EIF3M: variants seen among roughly 807,000 people sequenced by gnomAD.
The protein encoded by EIF3M is eukaryotic translation initiation factor 3 subunit M, also known as B5 receptor.
A neutral mutation model predicts 49.7 loss-of-function variants in EIF3M; 25 were observed. The ratio of observed to expected loss-of-function variants is 0.50; its 90% CI spans 0.37 to 0.70. The LOEUF is 0.70. Among genes scored for constraint, EIF3M ranks in the 30% least tolerant of loss-of-function variants. The probability of loss-of-function intolerance (pLI) is 0.00; values close to 1 mark genes in which losing one functional copy is unlikely to be tolerated. For missense variants in EIF3M, 350 were observed against 440.0 expected (o/e 0.80, Z 1.83); for synonymous variants, 156 against 149.8 (o/e 1.04, Z -0.30).
rs1353786341 is a variant in EIF3M, at chr11:32,594,920, T to C, written c.624T>C (p.Ile208=). The C allele has an allele frequency of 1.2e-6, 2 of 1,612,160 alleles. No homozygotes were observed. The highest frequency in any genetic ancestry group is 1.3e-5 in the African/African-American group (1 of 74,842). Residue 208 remains isoleucine, a synonymous_variant, in exon 7 of 11, where the codon ATT becomes ATC. Coordinates refer to ENST00000531120, the MANE Select transcript of EIF3M (RefSeq NM_006360.6). ...SQARVDAHRC[I]VRALKDPNAF... ...TTTTTGTTCTCTAATTAAGGTGTAT[T>C]GTACGAGCATTGAAAGATCCAAATG...
intron 7 of EIF3M, among the ~76,000 whole-genome samples, chr11:32,595,273 T>A (rs1394965785): frequency 6.6e-6 from 1 of 152,012 alleles, no homozygotes; most frequent in Non-Finnish European, 1.5e-5. Context: ...GTCACCAGGC[T>A]GGAGTGCGGT....
chr11:32,593,990 G>A (rs1269125104), intron 6 of EIF3M, 41 bp downstream of exon 6: 5 of 1,315,950 alleles, frequency 3.8e-6, no homozygotes, highest in Admixed American at 2.7e-5. Context: ...TGACAGCGAT[G>A]TAGAGGTAAG....
intron 5 of EIF3M, chr11:32,591,965 G>GT: frequency 3.9e-6 from 1 of 256,022 alleles, no homozygotes; most frequent in East Asian, 1.0e-4. Flanking sequence ...CTTCTTCATT[G>GT]TAACCATCAT....
chr11:32,588,542 C>CG lies in EIF3M; in HGVS notation c.176-51dup. On this transcript the variant is annotated intron_variant, in intron 2 of 10. Transcript: ENST00000531120. ...CACTGGAAATGCATATTTAACTAGA[C>CG]GCATTGAGTATTGTAGTATCACTGT... The CG allele has an allele frequency of 2.5e-6, 4 of 1,576,164 alleles. No individual in the cohort carries two copies. In the South Asian group the frequency reaches 4.6e-5, roughly 18 times the overall value.
intron 3 of EIF3M, 105 bp from the exon 4 acceptor site, chr11:32,588,907 T>A (rs1590514722): frequency 6.5e-7 from 1 of 1,537,940 alleles, no homozygotes; most frequent in East Asian, 2.3e-5. Context: ...CTTTGTAATA[T>A]GAAGTTGTTA....
At chr11:32,593,807 T>C (rs551568264) in intron 5 of EIF3M, 59 bp from the exon 6 acceptor site, 1 of 1,154,426 alleles carries the variant, frequency 8.7e-7, no homozygotes, top group South Asian at 1.7e-5. Flanking sequence ...CTTAAAAATA[T>C]TTTAAATGAA....
intron 5 of EIF3M, chr11:32,592,691 A>G (rs1280261238): frequency 3.7e-5 from 19 of 508,602 alleles, no homozygotes; most frequent in Admixed American, 3.5e-4. Context: ...CTCTAAAACT[A>G]CCATCTCTAG....
At chr11:32,591,528 G>A (rs1855102840) in intron 5 of EIF3M, among the ~76,000 whole-genome samples, 1 of 152,156 alleles carries the variant, frequency 6.6e-6, no homozygotes, top group Non-Finnish European at 1.5e-5. Context: ...AAAGACCTCA[G>A]GAATGTACAT....
chr11:32,599,435 T>G (rs969468176), intron 8 of EIF3M, among the ~76,000 whole-genome samples: 1 of 151,982 alleles, frequency 6.6e-6, no homozygotes, highest in Non-Finnish European at 1.5e-5. Context: ...TACAGCTAAT[T>G]AACAGATGAT....
intron 8 of EIF3M, among the ~76,000 whole-genome samples, chr11:32,598,153 G>A (rs1404150202): frequency 1.3e-5 from 2 of 152,098 alleles, no homozygotes; most frequent in African/African-American, 2.4e-5. Context: ...TACGCACCAA[G>A]GAAAAAGGAG....
chr11:32,595,473 G>A (rs1166635726), intron 7 of EIF3M, among the ~76,000 whole-genome samples: 7 of 152,084 alleles, frequency 4.6e-5, no homozygotes, highest in Admixed American at 4.6e-4. Context: ...GACCCCAAAT[G>A]ATCTGCCCAC....
At chr11:32,600,997 T>C (rs1039680042) in intron 9 of EIF3M, 165 bp downstream of exon 9, 3 of 841,276 alleles carry the variant, frequency 3.6e-6, no homozygotes, top group African/African-American at 3.5e-5. Flanking sequence ...GGTGAAAATT[T>C]AGTAGAAATA....
chr11:32,591,850 G>A, intron 5 of EIF3M: 1 of 240,422 alleles, frequency 4.2e-6, no homozygotes. Flanking sequence ...CACCAAAACT[G>A]CCCCCTTTCA....
At position 32,603,001 on chromosome 11, in the gene EIF3M, A is replaced by T. The variant is rs199847743; in HGVS notation, c.*602A>T. Reference sequence around the variant, plus strand: ...CAAATGGCTTTGTAGTGGAGTTGATATCAGAGGCTTTGTTTTCACCTGGGA... The same window carrying T: ...CAAATGGCTTTGTAGTGGAGTTGATTTCAGAGGCTTTGTTTTCACCTGGGA... On this transcript the variant is annotated 3_prime_UTR_variant, in exon 11 of 11. Transcript: ENST00000531120. The T allele has an allele frequency of 7.2e-4, 1,159 of 1,598,698 alleles. 2 individuals carry two copies. The highest frequency in any genetic ancestry group is 1.9e-3 in the Admixed American group (107 of 55,408).
At chr11:32,600,153 T>A (rs1855238755) in intron 8 of EIF3M, among the ~76,000 whole-genome samples, 1 of 151,526 alleles carries the variant, frequency 6.6e-6, no homozygotes, top group African/African-American at 2.4e-5. Flanking sequence ...GATTTTTAAA[T>A]AGTGACCTGA....
At position 32,605,582 on chromosome 11, in the gene EIF3M, A is replaced by C. The variant is rs986336273; in HGVS notation, c.*3183A>C. 1.3e-5 allele frequency: 2 copies of C among 152,200 alleles called. No individual in the cohort carries two copies. Among genetic ancestry groups the C allele is most frequent in the African/African-American group, 2.4e-5 (1 of 41,454 alleles). The allele number at this position is 152,200 out of a possible 1,614,324, so 9.4% of individuals were successfully genotyped here. A position where few individuals can be genotyped will look rare whatever the true frequency, so the allele number is the denominator to read the frequency against. On this transcript the variant is annotated 3_prime_UTR_variant, in exon 11 of 11. Transcript: ENST00000531120. ...CAAGTACAAATTAACAGTTTCCCAA[A>C]ATCCTGATTCTTTGACTTTTTTATC...
chr11:32,590,268 A>G lies in EIF3M; in HGVS notation c.533+627A>G, dbSNP rs182418116. ...GGTCCATAACATTGGTATTACATCC[A>G]TGCCTATTCATTTACATATTGTCTG... On this transcript the variant is annotated intron_variant, in intron 5 of 10. Coordinates refer to ENST00000531120, the MANE Select transcript of EIF3M (RefSeq NM_006360.6). Among the ~76,000 whole-genome samples, 85 of 152,368 alleles carry G rather than the reference A, an allele frequency of 5.6e-4. 1 individual carries two copies. The East Asian group carries it at 0.013, about 22-fold the overall frequency.
chr11:32,594,261 G>A (rs1855147138), intron 6 of EIF3M: 1 of 222,568 alleles, frequency 4.5e-6, no homozygotes, highest in African/African-American at 2.3e-5. Flanking sequence ...AAGGTTATAG[G>A]TGGAAAGTTG....
intron 7 of EIF3M, 42 bp from the exon 8 acceptor site, chr11:32,595,924 A>C: frequency 7.5e-7 from 1 of 1,337,192 alleles, no homozygotes; most frequent in Non-Finnish European, 1.0e-6. Flanking sequence ...ATAAATCTGA[A>C]TTCTGTATTG....
Sources: allele counts gnomAD v4.1 joint callset (sites outside exome capture counted in the v4.1 genomes callset), GRCh38; gene constraint gnomAD v4.1.1; transcripts MANE v1.5; gene names NCBI Gene and HGNC (gene_info 2026-07-23, HGNC 2026-07-21).